ZC3H18: variants seen among roughly 807,000 people sequenced by gnomAD.
The protein encoded by ZC3H18 is zinc finger CCCH domain-containing protein 18.
Under a neutral mutation model 106.1 loss-of-function variants are expected in ZC3H18, and 8 were observed. The observed-to-expected ratio is 0.08, with a 90% confidence interval of 0.04 to 0.14. The LOEUF (loss-of-function observed/expected upper bound fraction) is 0.14, where lower values mean the gene tolerates loss of function less well. ZC3H18 is among the 10% of genes least tolerant of loss of function. The probability of loss-of-function intolerance (pLI) is 1.00; values close to 1 mark genes in which losing one functional copy is unlikely to be tolerated. For missense variants in ZC3H18, 1,318 were observed against 1,278.4 expected (o/e 1.03, Z -0.47); for synonymous variants, 635 against 522.1 (o/e 1.22, Z -2.95).
intron 12 of ZC3H18, among the ~76,000 whole-genome samples, chr16:88,624,981 C>T (rs115124415): frequency 0.014 from 2,152 of 152,328 alleles, 34 homozygotes; most frequent in Non-Finnish European, 0.019. Flanking sequence ...CAGGCCTTCC[C>T]GCCATGGCCC....
At chr16:88,579,534 G>T (rs527846572) in intron 2 of ZC3H18, among the ~76,000 whole-genome samples, 1 of 152,274 alleles carries the variant, frequency 6.6e-6, no homozygotes, top group East Asian at 1.9e-4. Context: ...TCTCAGTGCC[G>T]CACCATGGGC....
Position 88,577,742 on chromosome 16 carries a change from C to CAG in ZC3H18, c.603+19_603+20dup, listed in dbSNP as rs1567575756. On this transcript the variant is annotated intron_variant, in intron 2 of 17. Transcript: ENST00000301011. ...GGAAATAGACGTGAGTATGATGGAG[C>CAG]AGAGCGTCGCGGGGCATCCTGCCCA... 2 of 1,612,624 alleles carry CAG rather than the reference C, an allele frequency of 1.2e-6. No homozygotes were observed. Among genetic ancestry groups the CAG allele is most frequent in the Non-Finnish European group, 8.5e-7 (1 of 1,180,022 alleles).
chr16:88,595,473 TC>T (rs1415104647), intron 3 of ZC3H18, among the ~76,000 whole-genome samples: 1 of 97,664 alleles, frequency 1.0e-5, no homozygotes. Flanking sequence ...TTTCTTTCTT[TC>T]TTTTTTTTTT....
intron 2 of ZC3H18, among the ~76,000 whole-genome samples, chr16:88,580,977 G>C (rs1414502690): frequency 2.0e-5 from 3 of 152,180 alleles, no homozygotes; most frequent in Non-Finnish European, 4.4e-5. Flanking sequence ...GGTCCCAGCA[G>C]GGTCTTACCG....
intron 2 of ZC3H18, among the ~76,000 whole-genome samples, chr16:88,580,140 C>T (rs137856750): frequency 4.0e-4 from 60 of 150,250 alleles, no homozygotes; most frequent in South Asian, 1.3e-3. Flanking sequence ...GCCTCTCTGT[C>T]GTGACACAGG....
At chr16:88,589,083 C>T (rs537851694) in intron 3 of ZC3H18, among the ~76,000 whole-genome samples, 3 of 152,310 alleles carry the variant, frequency 2.0e-5, no homozygotes, top group African/African-American at 7.2e-5. Flanking sequence ...TTAAATGTTT[C>T]TGCCTACCTG....
Position 88,606,942 on chromosome 16 carries a change from G to C in ZC3H18, c.1089-1992G>C, listed in dbSNP as rs76615881. Among the ~76,000 whole-genome samples, 61 of 152,330 alleles carry C rather than the reference G, an allele frequency of 4.0e-4. No individual in the cohort carries two copies. The East Asian group carries it at 0.01, about 26-fold the overall frequency. On this transcript the variant is annotated intron_variant, in intron 6 of 17. Transcript: ENST00000301011. ...TCCCACCCAGTCTACCCGAAGCAGA[G>C]GGTTGGCTTGTGGCTGAGACATACC...
intron 3 of ZC3H18, among the ~76,000 whole-genome samples, chr16:88,594,911 G>A (rs1417266725): frequency 1.2e-4 from 19 of 152,202 alleles, no homozygotes; most frequent in Admixed American, 1.2e-3. Flanking sequence ...CAGCACTTTG[G>A]GAGGCCGAGG....
rs1220628791 is a variant in ZC3H18, at chr16:88,586,692, T to C, written c.688+8T>C. The C allele has an allele frequency of 3.7e-6, 6 of 1,613,324 alleles. No individual in the cohort carries two copies. The highest frequency in any genetic ancestry group is 5.1e-6 in the Non-Finnish European group (6 of 1,179,772). ...GCCGGTTCTTCATGAAAGGTAATTG[T>C]CTGCGTGTGAGGCCTTCTCGCAGCC... On this transcript the variant is annotated splice_region_variant and intron_variant, in intron 3 of 17. Transcript: ENST00000301011.
At chr16:88,572,752 C>T (rs1273736374) in intron 1 of ZC3H18, among the ~76,000 whole-genome samples, 1 of 151,354 alleles carries the variant, frequency 6.6e-6, no homozygotes, top group Non-Finnish European at 1.5e-5. Context: ...CGTTTCCCTT[C>T]GTAGCACCTT....
At position 88,631,303 on chromosome 16, in the gene ZC3H18, G is replaced by A. The variant is rs767588942; in HGVS notation, c.*4G>A. 1.3e-5 allele frequency: 21 copies of A among 1,572,988 alleles called. No individual in the cohort carries two copies. The highest frequency in any genetic ancestry group is 5.7e-5 in the South Asian group (5 of 87,272). ...CAAGATCCCCGGGAAAGCATAGGCCGTGCCCCGACCGGACTGGACGCATTT... is the reference window on the plus strand; with the variant it reads ...CAAGATCCCCGGGAAAGCATAGGCCATGCCCCGACCGGACTGGACGCATTT... On this transcript the variant is annotated 3_prime_UTR_variant, in exon 18 of 18. Transcript: ENST00000301011.
intron 8 of ZC3H18, among the ~76,000 whole-genome samples, chr16:88,618,827 G>A (rs1361938773): frequency 1.3e-5 from 2 of 152,212 alleles, no homozygotes; most frequent in African/African-American, 4.8e-5. Flanking sequence ...TTCCAGATCT[G>A]TCCTGGCCCA....
At chr16:88,592,943 G>A (rs1915837622) in intron 3 of ZC3H18, among the ~76,000 whole-genome samples, 1 of 152,112 alleles carries the variant, frequency 6.6e-6, no homozygotes, top group African/African-American at 2.4e-5. Context: ...ATATTTATGT[G>A]CCATGAAATT....
intron 8 of ZC3H18, among the ~76,000 whole-genome samples, chr16:88,617,731 A>C (rs970386687): frequency 1.3e-5 from 2 of 151,878 alleles, no homozygotes; most frequent in South Asian, 2.1e-4. Context: ...CCCAGCACCT[A>C]CTCACCCCGG....
At chr16:88,601,069 G>C (rs1034489118) in intron 6 of ZC3H18, among the ~76,000 whole-genome samples, 2 of 152,252 alleles carry the variant, frequency 1.3e-5, no homozygotes, top group African/African-American at 4.8e-5. Flanking sequence ...CCTTCTCAAG[G>C]CCTTCTTGCC....
chr16:88,570,771 C>T (rs745446924), intron 1 of ZC3H18, among the ~76,000 whole-genome samples: 33 of 152,202 alleles, frequency 2.2e-4, no homozygotes, highest in African/African-American at 3.1e-4. Flanking sequence ...CGTCCGTAAG[C>T]CGGCCCCGCG....
chr16:88,624,509 C>T (rs886126091), intron 11 of ZC3H18, 93 bp from the exon 12 acceptor site: 16 of 1,584,212 alleles, frequency 1.0e-5, no homozygotes, highest in African/African-American at 2.7e-5. Flanking sequence ...CATGCAGTGT[C>T]GTTCCCCGAG....
rs1387336984 is a variant in ZC3H18 at position 88,627,430 on chromosome 16, G to C, written c.2109-192G>C. 3.2e-6 allele frequency: 2 copies of C among 634,604 alleles called. No individual in the cohort carries two copies. The highest frequency in any genetic ancestry group is 7.0e-5 in the Admixed American group (2 of 28,734). 39.3% of individuals were successfully genotyped at this position (634,604 alleles called of 1,614,324 possible). ...AACCTGACATTGATTAGTGAAATGG[G>C]GCCCTGGCCTAGCCATGGGGACGTC... is the stretch of plus-strand genomic sequence containing the variant. On this transcript the variant is annotated intron_variant, in intron 13 of 17. Transcript: ENST00000301011. This position sits in a 1 kb window ranked among gnomAD's most constrained non-coding sequence, Gnocchi z 4.5.
Position 88,598,220 on chromosome 16 carries a change from G to C in ZC3H18, c.731G>C (p.Gly244Ala). ...WGMNCRFIHP[G>A]VNDKGNYSLI... is the part of the protein sequence containing the mutation. The stretch of plus-strand genomic sequence containing the variant: ...ATGAATTGTAGGTTTATACACCCTG[G>C]AGTGAACGACAAGGGGAACTACTCC... The change falls in exon 4 of 18, where the codon GGA (glycine) becomes GCA (alanine). Residue 244 changes from glycine to alanine, a missense_variant. Physicochemically the swap from Gly to Ala is moderately conservative, Grantham distance 60. Transcript: ENST00000301011. 1 of 1,613,698 alleles carries C rather than the reference G, an allele frequency of 6.2e-7. No individual in the cohort carries two copies. The highest frequency in any genetic ancestry group is 8.5e-7 in the Non-Finnish European group (1 of 1,179,898).
Sources: allele counts gnomAD v4.1 joint callset (sites outside exome capture counted in the v4.1 genomes callset), GRCh38; gene constraint gnomAD v4.1.1; non-coding constraint Gnocchi (gnomAD v3.1); transcripts MANE v1.5; gene names NCBI Gene and HGNC (gene_info 2026-07-23, HGNC 2026-07-21).